The following DCC variants were observed in gnomAD, a reference collection of about 807,000 sequenced individuals.
DCC encodes the protein DCC netrin 1 receptor.
A neutral mutation model predicts 172.5 loss-of-function variants in DCC; 58 were observed. The ratio of observed to expected loss-of-function variants is 0.34; its 90% CI spans 0.27 to 0.42. DCC has a LOEUF of 0.42. Among genes scored for constraint, DCC ranks in the 10% least tolerant of loss-of-function variants. The probability of loss-of-function intolerance (pLI) is 1.00; values close to 1 mark genes in which losing one functional copy is unlikely to be tolerated. For synonymous variants in DCC, 709 were observed against 644.5 expected, an observed-to-expected ratio of 1.10 and a Z score of -1.52; for missense variants, 1,740 against 1,791.0, an observed-to-expected ratio of 0.97 and a Z score of 0.51.
At chr18:52,550,297 A>G (rs982182562) in intron 1 of DCC, among the ~76,000 whole-genome samples, 2 of 152,070 alleles carry the variant, frequency 1.3e-5, no homozygotes, top group African/African-American at 4.8e-5. Context: ...CAACGAGCCT[A>G]AGGAGACATG....
At chr18:52,778,371 T>A (rs955672996) in intron 2 of DCC, among the ~76,000 whole-genome samples, 1 of 152,216 alleles carries the variant, frequency 6.6e-6, no homozygotes, top group African/African-American at 2.4e-5. Flanking sequence ...TAGAATTTTT[T>A]AATTTTTTGC....
chr18:52,899,708 T>G (rs1427449389), intron 2 of DCC, among the ~76,000 whole-genome samples: 1 of 151,836 alleles, frequency 6.6e-6, no homozygotes, highest in Non-Finnish European at 1.5e-5. Flanking sequence ...CGTGACCAAG[T>G]TGGTCTCAAA....
At chr18:53,486,760 A>C in intron 25 of DCC, 37 bp from the exon 26 acceptor site, 1 of 1,614,082 alleles carries the variant, frequency 6.2e-7, no homozygotes, top group Non-Finnish European at 8.5e-7. Context: ...GTGAATACAT[A>C]AGGTTCAAAA....
intron 1 of DCC, among the ~76,000 whole-genome samples, chr18:52,494,475 A>G (rs1446499070): frequency 6.6e-6 from 1 of 151,914 alleles, no homozygotes. Flanking sequence ...TATATTAGAT[A>G]TTTATACTGT....
At chr18:52,937,953 A>G (rs73458988) in intron 5 of DCC, among the ~76,000 whole-genome samples, 1,578 of 152,228 alleles carry the variant, frequency 0.01, 26 homozygotes, top group African/African-American at 0.036. Context: ...CCTAACCTGC[A>G]GAGTTGTTAC....
At chr18:52,664,661 CG>C (rs1313420530) in intron 1 of DCC, among the ~76,000 whole-genome samples, 7 of 151,478 alleles carry the variant, frequency 4.6e-5, no homozygotes, top group Non-Finnish European at 7.4e-5. Flanking sequence ...TTAGTAGAGA[CG>C]GGGTTTCACC....
At chr18:52,930,741 C>T (rs1039061747) in intron 5 of DCC, among the ~76,000 whole-genome samples, 2 of 151,888 alleles carry the variant, frequency 1.3e-5, no homozygotes, top group African/African-American at 4.8e-5. Context: ...AACATTTATC[C>T]TTATTTTATT....
At chr18:53,036,299 A>T (rs1157399057) in intron 5 of DCC, among the ~76,000 whole-genome samples, 1 of 152,060 alleles carries the variant, frequency 6.6e-6, no homozygotes, top group Non-Finnish European at 1.5e-5. Flanking sequence ...AGATTGATCT[A>T]TTAGGGCACA....
chr18:53,342,433 A>T (rs962084048), intron 15 of DCC, among the ~76,000 whole-genome samples: 13 of 151,678 alleles, frequency 8.6e-5, no homozygotes, highest in African/African-American at 2.9e-4. Flanking sequence ...CACTTTTAAA[A>T]CTCACTATCT....
chr18:53,176,607 T>G (rs2055099242), intron 8 of DCC, among the ~76,000 whole-genome samples: 1 of 152,120 alleles, frequency 6.6e-6, no homozygotes, highest in African/African-American at 2.4e-5. Flanking sequence ...ATCAGGGAAA[T>G]GCAAATCAAA....
At chr18:53,009,270 TG>T (rs1568242012) in intron 5 of DCC, among the ~76,000 whole-genome samples, 1 of 152,000 alleles carries the variant, frequency 6.6e-6, no homozygotes, top group Non-Finnish European at 1.5e-5. Flanking sequence ...TATTATTTTC[TG>T]ATGCTTGAAA....
At chr18:53,313,078 A>AAGGGT (rs1484777102) in intron 13 of DCC, among the ~76,000 whole-genome samples, 2 of 144,548 alleles carry the variant, frequency 1.4e-5, no homozygotes, top group African/African-American at 5.0e-5. Context: ...AAAGGAAGGA[A>AAGGGT]GGAAAAAGGA....
intron 15 of DCC, among the ~76,000 whole-genome samples, chr18:53,376,998 T>C (rs1907336178): frequency 6.6e-6 from 1 of 152,180 alleles, no homozygotes; most frequent in Non-Finnish European, 1.5e-5. Flanking sequence ...CTACTTTCAA[T>C]ATCTTTTCCA....
chr18:52,475,237 T>C (rs944092658), intron 1 of DCC, among the ~76,000 whole-genome samples: 3 of 152,300 alleles, frequency 2.0e-5, no homozygotes, highest in African/African-American at 7.2e-5. Context: ...AACTTCCAGA[T>C]GGGAAATAGA....
intron 5 of DCC, among the ~76,000 whole-genome samples, chr18:52,933,261 A>G (rs927543490): frequency 1.3e-5 from 2 of 152,056 alleles, no homozygotes; most frequent in Admixed American, 1.3e-4. Context: ...CTTTGGGCAT[A>G]AGAAGATATG....
chr18:52,867,488 G>A (rs1306901350), intron 2 of DCC, among the ~76,000 whole-genome samples: 4 of 151,708 alleles, frequency 2.6e-5, no homozygotes, highest in Non-Finnish European at 5.9e-5. Context: ...GGTAGAATTT[G>A]GCTGTGAATC....
intron 5 of DCC, among the ~76,000 whole-genome samples, chr18:52,926,842 C>T (rs901235803): frequency 4.9e-4 from 71 of 146,346 alleles, no homozygotes; most frequent in African/African-American, 1.6e-3. Context: ...CATACACACA[C>T]ACACATATAC....
chr18:53,002,397 T>C (rs763727342), intron 5 of DCC, among the ~76,000 whole-genome samples: 17 of 152,116 alleles, frequency 1.1e-4, no homozygotes, highest in Non-Finnish European at 1.2e-4. Flanking sequence ...ATACAGAAAT[T>C]ATAAATGCCC....
At chr18:53,147,088 A>G (rs2043926736) in intron 7 of DCC, among the ~76,000 whole-genome samples, 1 of 152,166 alleles carries the variant, frequency 6.6e-6, no homozygotes, top group Non-Finnish European at 1.5e-5. Context: ...TCTGGTGATT[A>G]TTGTTTTTAT....
Sources: allele counts gnomAD v4.1 joint callset (sites outside exome capture counted in the v4.1 genomes callset), GRCh38; gene constraint gnomAD v4.1.1; transcripts MANE v1.5; gene names NCBI Gene and HGNC (gene_info 2026-07-23, HGNC 2026-07-21).